The following CNTN6 variants were observed in gnomAD, a reference collection of about 807,000 sequenced individuals.
CNTN6 encodes the protein contactin 6.
In CNTN6, 137 loss-of-function variants were observed where a neutral mutation model predicts 122.8. The observed-to-expected ratio is 1.12, with a 90% CI of 0.97 to 1.29. The LOEUF is 1.29. Among genes scored for constraint, CNTN6 ranks in the 50% most tolerant of loss-of-function variants. The pLI, the probability that CNTN6 is intolerant of heterozygous loss-of-function variation, is 0.00. For synonymous variants in CNTN6, 570 were observed against 426.0 expected, an observed-to-expected ratio of 1.34 and a Z score of -4.16; for missense variants, 1,634 against 1,223.4, an observed-to-expected ratio of 1.34 and a Z score of -5.01.
chr3:1,151,211 T>G (rs77150267), intron 2 of CNTN6, among the ~76,000 whole-genome samples: 4,667 of 152,308 alleles, frequency 0.031, 221 homozygotes, highest in African/African-American at 0.098. Flanking sequence ...AGCTTCCAGA[T>G]GGCAGGGACT....
chr3:1,243,361 G>C (rs959098854), intron 4 of CNTN6, among the ~76,000 whole-genome samples: 3 of 152,128 alleles, frequency 2.0e-5, no homozygotes, highest in Admixed American at 6.5e-5. Context: ...ATGTGGCTGG[G>C]GTTTGTGTCA....
rs1458856004 is a variant in CNTN6, at chr3:1,401,499, A to G, written c.2771A>G (p.Glu924Gly). 2.5e-6 allele frequency: 4 copies of G among 1,611,938 alleles called. No homozygotes were observed. The highest frequency in any genetic ancestry group is 1.6e-4 in the Middle Eastern group (1 of 6,080). The change falls in exon 21 of 23, where the codon GAG becomes GGG. Residue 924 changes from glutamate (E) to glycine (G), a missense_variant. Coordinates refer to ENST00000446702, the MANE Select transcript of CNTN6 (RefSeq NM_001289080.2). ...AACTCTAAATTATGCTTGAACTGGGAGCATGTAAAAACCATGGAAAATGAG... is the reference window on the plus strand; with the variant it reads ...AACTCTAAATTATGCTTGAACTGGGGGCATGTAAAAACCATGGAAAATGAG... ...LTNSKLCLNWEHVKTMENESE... is the reference protein window; with the variant it reads ...LTNSKLCLNWGHVKTMENESE...
intron 2 of CNTN6, among the ~76,000 whole-genome samples, chr3:1,182,626 T>C (rs1208535474): frequency 6.6e-6 from 1 of 151,922 alleles, no homozygotes; most frequent in Non-Finnish European, 1.5e-5. Flanking sequence ...ATTTTTAGCT[T>C]CAGAAATGTA....
chr3:1,255,361 ACAC>A (rs1437863929), intron 4 of CNTN6, among the ~76,000 whole-genome samples: 1 of 152,002 alleles, frequency 6.6e-6, no homozygotes. Context: ...ATAGACGGAA[ACAC>A]CACGTTTAAA....
intron 4 of CNTN6, among the ~76,000 whole-genome samples, chr3:1,274,156 T>C (rs1185913737): frequency 7.0e-6 from 1 of 143,664 alleles, no homozygotes; most frequent in African/African-American, 2.7e-5. Flanking sequence ...ATGATTTCAA[T>C]ATATTAATTT....
At chr3:1,353,126 C>T (rs997630492) in intron 12 of CNTN6, among the ~76,000 whole-genome samples, 1 of 151,588 alleles carries the variant, frequency 6.6e-6, no homozygotes, top group African/African-American at 2.4e-5. Context: ...TTCCTTGCTG[C>T]TTTATTTTGT....
chr3:1,289,822 C>CG (rs1401715333), intron 5 of CNTN6, among the ~76,000 whole-genome samples: 6 of 151,866 alleles, frequency 4.0e-5, no homozygotes, highest in Non-Finnish European at 8.8e-5. Flanking sequence ...CTACAGGTGC[C>CG]CAACACCACG....
chr3:1,275,493 T>C (rs952280217), intron 4 of CNTN6, among the ~76,000 whole-genome samples: 1 of 152,344 alleles, frequency 6.6e-6, no homozygotes, highest in African/African-American at 2.4e-5. Flanking sequence ...CCTCTAAATA[T>C]GGAGATTTTC....
chr3:1,110,029 C>T (rs1383736582), intron 1 of CNTN6, among the ~76,000 whole-genome samples: 1 of 152,164 alleles, frequency 6.6e-6, no homozygotes, highest in Non-Finnish European at 1.5e-5. Flanking sequence ...ATTTATTTAT[C>T]AGCTTTTCCA....
intron 6 of CNTN6, among the ~76,000 whole-genome samples, chr3:1,296,853 C>CT (rs1473589718): frequency 6.6e-6 from 1 of 151,984 alleles, no homozygotes; most frequent in Admixed American, 6.6e-5. Context: ...CATGTTTTTC[C>CT]TTTTTTTGTT....
intron 2 of CNTN6, among the ~76,000 whole-genome samples, chr3:1,201,344 TG>T (rs1466784465): frequency 5.3e-5 from 8 of 152,162 alleles, no homozygotes; most frequent in Admixed American, 5.2e-4. Flanking sequence ...TGGCTTCCAA[TG>T]TTTGACTGAA....
At chr3:1,333,387 T>A (rs999197645) in intron 11 of CNTN6, among the ~76,000 whole-genome samples, 18 of 152,138 alleles carry the variant, frequency 1.2e-4, no homozygotes, top group African/African-American at 4.3e-4. Flanking sequence ...CACACCAGAC[T>A]GATTATTTCA....
At chr3:1,206,737 A>G (rs145300541) in intron 2 of CNTN6, among the ~76,000 whole-genome samples, 1 of 151,964 alleles carries the variant, frequency 6.6e-6, no homozygotes, top group East Asian at 1.9e-4. Context: ...CCACTCAGCA[A>G]CTCTTGCTAG....
chr3:1,101,658 T>A (rs1338768962), intron 1 of CNTN6, among the ~76,000 whole-genome samples: 3 of 152,216 alleles, frequency 2.0e-5, no homozygotes, highest in Non-Finnish European at 4.4e-5. Flanking sequence ...AGGTATATAA[T>A]CTAATAAGAA....
At chr3:1,369,013 C>T (rs774574690) in intron 12 of CNTN6, among the ~76,000 whole-genome samples, 4 of 152,182 alleles carry the variant, frequency 2.6e-5, no homozygotes, top group Admixed American at 2.0e-4. Context: ...TTTCACTCCT[C>T]TATTACTCTG....
intron 1 of CNTN6, among the ~76,000 whole-genome samples, chr3:1,146,657 C>A (rs1287499765): frequency 1.3e-5 from 2 of 151,814 alleles, no homozygotes; most frequent in Non-Finnish European, 2.9e-5. Context: ...AGAACAGTGC[C>A]TCAAAGGTAG....
At chr3:1,384,762 TATATATAC>T (rs1692554811) in intron 19 of CNTN6, among the ~76,000 whole-genome samples, 1 of 95,498 alleles carries the variant, frequency 1.0e-5, no homozygotes, top group South Asian at 2.8e-4. Context: ...TATATATACA[TATATATAC>T]ACATATATAT....
intron 1 of CNTN6, among the ~76,000 whole-genome samples, chr3:1,116,850 G>A (rs1045606026): frequency 4.6e-5 from 7 of 151,910 alleles, no homozygotes; most frequent in Admixed American, 6.6e-5. Flanking sequence ...GATTACAGGC[G>A]CCTGCCACCA....
At chr3:1,280,459 A>ATTTTTTTTTTTATTTTTTTTTTTTT (rs1693177750) in intron 5 of CNTN6, among the ~76,000 whole-genome samples, 1 of 66,652 alleles carries the variant, frequency 1.5e-5, no homozygotes, top group African/African-American at 6.1e-5. Context: ...TGTAATACCA[A>ATTTTTTTTTTTATTTTTTTTTTTTT]TTTTTTTTTT....
Sources: gnomAD v4.1 joint callset for allele counts (sites outside exome capture counted in the v4.1 genomes callset) on GRCh38, gnomAD v4.1.1 for gene constraint, MANE v1.5 for transcripts, NCBI Gene and HGNC (gene_info 2026-07-23, HGNC 2026-07-21) for gene names.